Variants in TGFBR3 observed in about 807,000 individuals in gnomAD.
The protein encoded by TGFBR3 is transforming growth factor beta receptor type 3.
Under a neutral mutation model 87.9 loss-of-function variants are expected in TGFBR3, and 46 were observed. The observed-to-expected ratio is 0.52, with a 90% CI of 0.41 to 0.67. The LOEUF (loss-of-function observed/expected upper bound fraction) is 0.67. Among genes scored for constraint, TGFBR3 ranks in the 30% least tolerant of loss-of-function variants. The pLI is 0.00. For synonymous variants in TGFBR3, 381 were observed against 391.6 expected (o/e 0.97, Z 0.32); for missense variants, 866 against 1,041.9 (o/e 0.83, Z 2.32).
chr1:91,879,084 C>T (rs1034751316), intron 1 of TGFBR3, among the ~76,000 whole-genome samples: 1 of 151,958 alleles, frequency 6.6e-6, no homozygotes, highest in East Asian at 1.9e-4. Context: ...GCCTGGACAA[C>T]ATGGCAAAAC....
Position 91,813,193 on chromosome 1 carries a change from A to G in TGFBR3, c.62-15722T>C, listed in dbSNP as rs1303575670. 7.9e-5 allele frequency among the ~76,000 whole-genome samples: 12 copies of G among 152,308 alleles called. No homozygotes were observed. The South Asian group carries it at 2.1e-3, about 26-fold the overall frequency. On this transcript the variant is annotated intron_variant, in intron 2 of 16. Coordinates refer to ENST00000212355, the MANE Select transcript of TGFBR3 (RefSeq NM_003243.5). ...CCTGCTGTAAAACTGATACTGTATC[A>G]TAATATTAGTGACAATATTAGGGAC...
chr1:91,799,959 A>G (rs1675537527), intron 2 of TGFBR3, among the ~76,000 whole-genome samples: 4 of 152,110 alleles, frequency 2.6e-5, no homozygotes, highest in Admixed American at 2.6e-4. Flanking sequence ...GCCAGAGTCC[A>G]GAACAGGGCA....
At chr1:91,726,710 A>C (rs1234690199) in intron 7 of TGFBR3, among the ~76,000 whole-genome samples, 1 of 150,190 alleles carries the variant, frequency 6.7e-6, no homozygotes, top group Non-Finnish European at 1.5e-5. Flanking sequence ...ACCAAAACCA[A>C]GGGCATCCCT....
intron 2 of TGFBR3, among the ~76,000 whole-genome samples, chr1:91,802,933 C>A (rs1447850898): frequency 6.6e-6 from 1 of 152,142 alleles, no homozygotes; most frequent in Admixed American, 6.5e-5. Context: ...CCCCTCCTCT[C>A]CATCTCCATG....
At chr1:91,685,270 A>T (rs1571404785) in intron 16 of TGFBR3, among the ~76,000 whole-genome samples, 1 of 145,092 alleles carries the variant, frequency 6.9e-6, no homozygotes, top group South Asian at 2.3e-4. Context: ...GGCGGGATGG[A>T]TAGGGGACTG....
intron 2 of TGFBR3, among the ~76,000 whole-genome samples, chr1:91,800,242 AT>A (rs1170098107): frequency 5.8e-4 from 66 of 113,008 alleles, no homozygotes; most frequent in Middle Eastern, 9.7e-3. Context: ...AAAAAAAAAA[AT>A]ATATATATAT....
chr1:91,894,826 A>C (rs1484296302), intron 2 of TGFBR3, among the ~76,000 whole-genome samples: 1 of 152,240 alleles, frequency 6.6e-6, no homozygotes, highest in East Asian at 1.9e-4. Context: ...GCTGGAGTGC[A>C]GTGGCACAAA....
rs1037588733 is a variant in TGFBR3 at position 91,815,227 on chromosome 1, G to A, written c.62-17756C>T. Among the ~76,000 whole-genome samples the A allele has an allele frequency of 6.7e-5, 10 of 149,486 alleles. No homozygotes were observed. The East Asian group carries it at 8.1e-4, about 12-fold the overall frequency. ...TGAGGTAGGAGAATCACTTGGACCC[G>A]GGAGGCGGAGGTTGCAGTGAGCTGG... On this transcript the variant is annotated intron_variant, in intron 2 of 16. Coordinates refer to ENST00000212355, the MANE Select transcript of TGFBR3 (RefSeq NM_003243.5).
intron 1 of TGFBR3, among the ~76,000 whole-genome samples, chr1:91,863,566 T>G (rs1678276312): frequency 6.6e-6 from 1 of 152,244 alleles, no homozygotes. Context: ...GTCCATTCTC[T>G]TTGAGCTATT....
At chr1:91,693,220 T>C (rs1349817089) in intron 16 of TGFBR3, among the ~76,000 whole-genome samples, 1 of 152,222 alleles carries the variant, frequency 6.6e-6, no homozygotes, top group African/African-American at 2.4e-5. Context: ...GGCTACAGTT[T>C]TTAATAAAAA....
chr1:91,746,618 CT>C (rs962684343), intron 4 of TGFBR3, among the ~76,000 whole-genome samples: 1 of 149,382 alleles, frequency 6.7e-6, no homozygotes, highest in Non-Finnish European at 1.5e-5. Context: ...GGAAGACTCT[CT>C]TTTTTTTTCT....
At chr1:91,886,872 T>C (rs1048488514), upstream of TGFBR3, among the ~76,000 whole-genome samples, 7 of 152,080 alleles carry the variant, frequency 4.6e-5, no homozygotes, top group Admixed American at 6.6e-5. Flanking sequence ...GTGGGCGCGA[T>C]ATGAACGACA....
intron 2 of TGFBR3, among the ~76,000 whole-genome samples, chr1:91,893,269 G>T (rs780950691): frequency 6.6e-5 from 10 of 151,476 alleles, no homozygotes; most frequent in Admixed American, 2.0e-4. Flanking sequence ...TAAGGAGAAA[G>T]AAGAGTTTCT....
chr1:91,900,475 C>T (rs532637016), intron 1 of TGFBR3, among the ~76,000 whole-genome samples: 123 of 152,296 alleles, frequency 8.1e-4, no homozygotes, highest in African/African-American at 2.8e-3. Flanking sequence ...AACTAACAAA[C>T]TCACCGTTTT....
intron 1 of TGFBR3, among the ~76,000 whole-genome samples, chr1:91,884,135 C>G (rs1420227611): frequency 6.6e-6 from 1 of 152,094 alleles, no homozygotes; most frequent in African/African-American, 2.4e-5. Context: ...TCCTGGCCAA[C>G]ATGGTGAAAC....
In TGFBR3 at chr1:91,719,615, A is replaced by G. The variant is rs11466599; in HGVS notation, c.1414-151T>C. 8,467 of 1,018,698 alleles carry G rather than the reference A, an allele frequency of 8.3e-3. 63 individuals carry two copies. The highest frequency in any genetic ancestry group is 0.019 in the Middle Eastern group (65 of 3,338). The allele number at this position is 1,018,698 out of a possible 1,614,324, so 63.1% of individuals were successfully genotyped here. On this transcript the variant is annotated intron_variant, in intron 9 of 16. Coordinates refer to ENST00000212355, the MANE Select transcript of TGFBR3 (RefSeq NM_003243.5). ...CCCAAGTATCTCTTCCCAGCTGCCC[A>G]CCTCTCAACAGCTCAAGGGTAGTAT...
At chr1:91,812,971 C>T (rs1403514403) in intron 2 of TGFBR3, among the ~76,000 whole-genome samples, 2 of 152,118 alleles carry the variant, frequency 1.3e-5, no homozygotes, top group Non-Finnish European at 2.9e-5. Flanking sequence ...GTTCTGGCTG[C>T]AGGCCTGTGT....
upstream of TGFBR3, chr1:91,886,345 C>G (rs1679318240): frequency 5.5e-6 from 2 of 360,894 alleles, no homozygotes; most frequent in African/African-American, 2.2e-5. Context: ...CCTTTGCCTC[C>G]GCGGCTGATG....
chr1:91,795,409 T>C (rs1313867882), intron 3 of TGFBR3, among the ~76,000 whole-genome samples: 1 of 152,240 alleles, frequency 6.6e-6, no homozygotes, highest in Non-Finnish European at 1.5e-5. Context: ...TAATGTTATG[T>C]ATCCTCAGTA....
Sources: allele counts gnomAD v4.1 joint callset (sites outside exome capture counted in the v4.1 genomes callset), GRCh38; gene constraint gnomAD v4.1.1; transcripts MANE v1.5; gene names NCBI Gene and HGNC (gene_info 2026-07-23, HGNC 2026-07-21).